The following COG6 variants were observed in gnomAD, a reference collection of about 807,000 sequenced individuals.
COG6 encodes component of oligomeric golgi complex 6.
Under a neutral mutation model 88.8 loss-of-function variants are expected in COG6, and 74 were observed. The ratio of observed to expected loss-of-function variants is 0.83; its 90% CI spans 0.69 to 1.01. The LOEUF (loss-of-function observed/expected upper bound fraction) is 1.01, where lower values mean the gene tolerates loss of function less well. Ranked by LOEUF, COG6 falls within the 50% of genes least tolerant of loss-of-function variation. The pLI, the probability that COG6 is intolerant of heterozygous loss-of-function variation, is 0.00. For synonymous variants in COG6, 286 were observed against 278.7 expected (o/e 1.03, Z -0.26); for missense variants, 800 against 797.9 (o/e 1.00, Z -0.03).
Position 39,655,837 on chromosome 13 carries a change from C to G in COG6, c.111C>G (p.Arg37=), listed in dbSNP as rs778858842. 5 of 1,605,596 alleles carry G rather than the reference C, an allele frequency of 3.1e-6. No individual in the cohort carries two copies. Among genetic ancestry groups the G allele is most frequent in the Non-Finnish European group, 4.2e-6 (5 of 1,176,876 alleles). ...TSATTCNPLS[R]KLHKILETRL... is the part of the protein sequence containing the mutation. ...CGACGACCTGCAACCCGCTGTCGCGCAAGCTGCATAAGATCCTGGAGACGC... is the reference window on the plus strand; with the variant it reads ...CGACGACCTGCAACCCGCTGTCGCGGAAGCTGCATAAGATCCTGGAGACGC... Residue 37 remains arginine (R), a synonymous_variant, in exon 1 of 19, where the codon CGC becomes CGG. Coordinates refer to ENST00000455146, the MANE Select transcript of COG6 (RefSeq NM_020751.3).
In COG6 at chr13:39,730,773, C is replaced by CAAAAAA. The variant is rs569292449; in HGVS notation, c.1826+3246_1826+3251dup. 2.3e-4 allele frequency among the ~76,000 whole-genome samples: 9 copies of CAAAAAA among 39,470 alleles called. 1 individual carries two copies. The highest frequency in any genetic ancestry group is 9.1e-4 in the East Asian group (1 of 1,104). 25.9% of individuals were successfully genotyped at this position (39,470 alleles called of 152,430 possible). On this transcript the variant is annotated intron_variant, in intron 18 of 18. Transcript: ENST00000455146. Reference sequence around the variant, plus strand: ...TGGGCGACAGAGCAAGACTCCATCTCAAAAAAAAAAAAAAAAAAAAAAAAA... The same window carrying CAAAAAA: ...TGGGCGACAGAGCAAGACTCCATCTCAAAAAAAAAAAAAAAAAAAAAAAAAAAAAAA...
chr13:39,674,086 A>G (rs1439097229), intron 4 of COG6, among the ~76,000 whole-genome samples: 5 of 151,784 alleles, frequency 3.3e-5, no homozygotes, highest in Non-Finnish European at 7.4e-5. Flanking sequence ...TTATACTTTA[A>G]GTTCTAGGGT....
At position 39,712,462 on chromosome 13, in the gene COG6, T is replaced by C. The variant is rs542431285; in HGVS notation, c.1285-6774T>C. On this transcript the variant is annotated intron_variant, in intron 13 of 18. Coordinates refer to ENST00000455146, the MANE Select transcript of COG6 (RefSeq NM_020751.3). ...AATATGTAGTGGTATATGTATATGT[T>C]TTATGTTGTAACTATGCTGCAGGAA... is the stretch of plus-strand genomic sequence containing the variant. 7.2e-5 allele frequency among the ~76,000 whole-genome samples: 11 copies of C among 152,258 alleles called. No individual in the cohort carries two copies. In the South Asian group the frequency reaches 2.3e-3, roughly 32 times the overall value.
intron 13 of COG6, among the ~76,000 whole-genome samples, chr13:39,713,525 A>C (rs1878357046): frequency 6.6e-6 from 1 of 152,080 alleles, no homozygotes; most frequent in Non-Finnish European, 1.5e-5. Context: ...CACGAGGTCA[A>C]GAGATCAAAA....
intron 18 of COG6, among the ~76,000 whole-genome samples, chr13:39,774,175 A>C (rs911655783): frequency 2.0e-5 from 3 of 152,166 alleles, no homozygotes; most frequent in Non-Finnish European, 2.9e-5. Flanking sequence ...CTTAGTCTTG[A>C]CTTTCAAAGT....
Position 39,751,905 on chromosome 13 carries a change from C to T in COG6, c.*812C>T. ...TGTTTAAAGATGGGTATTTGTCATA[C>T]AATATGGGTCCTAAATCCAACCAAC... On this transcript the variant is annotated 3_prime_UTR_variant, in exon 19 of 19. Coordinates refer to ENST00000455146, the MANE Select transcript of COG6 (RefSeq NM_020751.3). The T allele has an allele frequency of 8.0e-7, 1 of 1,257,808 alleles. No individual in the cohort carries two copies. Among genetic ancestry groups the T allele is most frequent in the Non-Finnish European group, 1.0e-6 (1 of 962,010 alleles). 77.9% of individuals were successfully genotyped at this position (1,257,808 alleles called of 1,614,324 possible). A position where few individuals can be genotyped will look rare whatever the true frequency, so the allele number is the denominator to read the frequency against.
intron 18 of COG6, among the ~76,000 whole-genome samples, chr13:39,760,481 A>T (rs1274295658): frequency 6.6e-6 from 1 of 152,178 alleles, no homozygotes; most frequent in African/African-American, 2.4e-5. Flanking sequence ...AAAAAAGAAA[A>T]TAAACCACAA....
At chr13:39,718,225 A>G (rs1478361219) in intron 13 of COG6, among the ~76,000 whole-genome samples, 3 of 152,010 alleles carry the variant, frequency 2.0e-5, no homozygotes, top group Non-Finnish European at 2.9e-5. Context: ...GTATTTTTGG[A>G]CATGCTTACT....
At chr13:39,729,349 C>T (rs1398781206) in intron 18 of COG6, among the ~76,000 whole-genome samples, 1 of 152,160 alleles carries the variant, frequency 6.6e-6, no homozygotes, top group Non-Finnish European at 1.5e-5. Context: ...CCAGTCCCTG[C>T]TGCCAAAACC....
chr13:39,760,741 A>G (rs904970398), intron 18 of COG6, among the ~76,000 whole-genome samples: 3 of 152,050 alleles, frequency 2.0e-5, no homozygotes, highest in Non-Finnish European at 4.4e-5. Context: ...ATGGTGCAGA[A>G]TTAGTATTGC....
chr13:39,770,750 G>T (rs1390570895), intron 18 of COG6, among the ~76,000 whole-genome samples: 6 of 152,186 alleles, frequency 3.9e-5, no homozygotes, highest in African/African-American at 1.2e-4. Context: ...AATGGTGCAA[G>T]AATTAATTGT....
intron 18 of COG6, among the ~76,000 whole-genome samples, chr13:39,733,629 T>A (rs1031170969): frequency 3.3e-5 from 5 of 152,020 alleles, no homozygotes; most frequent in African/African-American, 1.2e-4. Context: ...TTGGTTTTGG[T>A]ATCAGGGTTA....
chr13:39,670,221 C>T lies in COG6; in HGVS notation c.428+5067C>T, dbSNP rs527719907. 4.1e-4 allele frequency among the ~76,000 whole-genome samples: 62 copies of T among 152,122 alleles called. 1 individual carries two copies. The South Asian group carries it at 0.011, about 27-fold the overall frequency. ...CCTTAATAGTTCATTGGTAGTCAGA[C>T]GATGGGCTTCACTGATAATCAGGAA... On this transcript the variant is annotated intron_variant, in intron 4 of 18. Transcript: ENST00000455146.
At position 39,660,827 on chromosome 13, in the gene COG6, C is replaced by A; in HGVS notation, c.315C>A (p.Ser105Arg). 1 of 1,608,124 alleles carries A rather than the reference C, an allele frequency of 6.2e-7. No individual in the cohort carries two copies. The highest frequency in any genetic ancestry group is 8.5e-7 in the Non-Finnish European group (1 of 1,175,172). Reference sequence around the variant, plus strand: ...CTTTTCAGGAACTTGAAAGCATAAGCGAAGATGTTCAAGCAATGAGCAACT... The same window carrying A: ...CTTTTCAGGAACTTGAAAGCATAAGAGAAGATGTTCAAGCAATGAGCAACT... ...KEVKEELESISEDVQAMSNCC... is the reference protein window; with the variant it reads ...KEVKEELESIREDVQAMSNCC... The change falls in exon 3 of 19, where the codon AGC (serine) becomes AGA (arginine). Residue 105 changes from serine to arginine, a missense_variant. Transcript: ENST00000455146.
chr13:39,737,885 G>A (rs903442965), intron 18 of COG6, among the ~76,000 whole-genome samples: 3 of 152,124 alleles, frequency 2.0e-5, no homozygotes, highest in Admixed American at 6.5e-5. Context: ...TGCTCCCTCT[G>A]TGGATGCTGG....
chr13:39,655,635 TG>T, upstream of COG6: 1 of 1,448,192 alleles, frequency 6.9e-7, no homozygotes, highest in Non-Finnish European at 9.5e-7. Flanking sequence ...CCGATGCGCA[TG>T]CGCGGCCGAT....
chr13:39,697,049 A>G (rs1186352737), intron 12 of COG6, among the ~76,000 whole-genome samples: 3 of 150,192 alleles, frequency 2.0e-5, no homozygotes, highest in Non-Finnish European at 4.4e-5. Flanking sequence ...TTGCTGAGAT[A>G]GGGAATGCTG....
chr13:39,708,200 CTG>C (rs1385001945), intron 13 of COG6, among the ~76,000 whole-genome samples: 3 of 152,120 alleles, frequency 2.0e-5, no homozygotes, highest in African/African-American at 7.2e-5. Context: ...CTTTTAAAGA[CTG>C]TTGCAGAGAG....
intron 2 of COG6, among the ~76,000 whole-genome samples, chr13:39,659,812 T>G (rs1316540833): frequency 6.6e-6 from 1 of 152,154 alleles, no homozygotes; most frequent in Admixed American, 6.5e-5. Context: ...AATAGAAATA[T>G]CCCCTCATTG....
Sources: gnomAD v4.1 joint callset for allele counts (sites outside exome capture counted in the v4.1 genomes callset) on GRCh38, gnomAD v4.1.1 for gene constraint, MANE v1.5 for transcripts, NCBI Gene and HGNC (gene_info 2026-07-23, HGNC 2026-07-21) for gene names.